Variants in PPP2R5E observed in about 807,000 individuals in gnomAD.
PPP2R5E encodes the protein serine/threonine-protein phosphatase 2A 56 kDa regulatory subunit epsilon isoform.
PPP2R5E carries 4 observed loss-of-function variants against 65.3 expected under a neutral mutation model. The ratio of observed to expected loss-of-function variants is 0.06; its 90% CI spans 0.03 to 0.14. The LOEUF (loss-of-function observed/expected upper bound fraction) is 0.14. Ranked by LOEUF, PPP2R5E falls within the 10% of genes least tolerant of loss-of-function variation. The pLI is 1.00. For missense variants in PPP2R5E, 274 were observed against 556.1 expected, an observed-to-expected ratio of 0.49 and a Z score of 5.10; for synonymous variants, 183 against 187.4, an observed-to-expected ratio of 0.98 and a Z score of 0.19.
chr14:63,439,431 A>G (rs1888099697), intron 3 of PPP2R5E, among the ~76,000 whole-genome samples: 1 of 151,904 alleles, frequency 6.6e-6, no homozygotes, highest in Admixed American at 6.6e-5. Flanking sequence ...CTAGAGTGCA[A>G]TGGCACGATC....
At chr14:63,480,542 C>T (rs1890646021) in intron 2 of PPP2R5E, among the ~76,000 whole-genome samples, 1 of 152,142 alleles carries the variant, frequency 6.6e-6, no homozygotes. Context: ...AACTCCTGGG[C>T]TCAAGGAAAC....
At chr14:63,383,800 T>C (rs7151740) in intron 12 of PPP2R5E, among the ~76,000 whole-genome samples, 5,889 of 152,260 alleles carry the variant, frequency 0.039, 241 homozygotes, top group East Asian at 0.12. Flanking sequence ...TTGATGATTT[T>C]AAACTCCTTC....
At chr14:63,519,345 G>A (rs879006498) in intron 2 of PPP2R5E, among the ~76,000 whole-genome samples, 2 of 152,122 alleles carry the variant, frequency 1.3e-5, no homozygotes, top group Non-Finnish European at 2.9e-5. Context: ...TTGGGATCAA[G>A]GACAAACTCT....
chr14:63,490,255 C>T (rs1057088629), intron 2 of PPP2R5E, among the ~76,000 whole-genome samples: 36 of 152,124 alleles, frequency 2.4e-4, no homozygotes, highest in African/African-American at 7.9e-4. Flanking sequence ...GACCCCTACA[C>T]CTTTCACCAT....
intron 2 of PPP2R5E, among the ~76,000 whole-genome samples, chr14:63,535,173 C>A (rs1325235488): frequency 1.3e-5 from 2 of 151,988 alleles, no homozygotes; most frequent in African/African-American, 4.8e-5. Flanking sequence ...GCCTGTAATC[C>A]CAGCACTTTG....
intron 2 of PPP2R5E, among the ~76,000 whole-genome samples, chr14:63,465,450 C>CAAAAAAAAAAAAA (rs1171345415): frequency 4.9e-4 from 23 of 47,378 alleles, no homozygotes; most frequent in African/African-American, 1.6e-3. Flanking sequence ...TCCACCTCTA[C>CAAAAAAAAAAAAA]AAAAAAAAAA....
chr14:63,409,407 A>AAAAT (rs754130051), intron 5 of PPP2R5E, among the ~76,000 whole-genome samples: 1 of 152,198 alleles, frequency 6.6e-6, no homozygotes, highest in African/African-American at 2.4e-5. Flanking sequence ...ACTCTGTCTC[A>AAAAT]AAATAAATAA....
At chr14:63,507,954 A>G (rs1335273267) in intron 2 of PPP2R5E, among the ~76,000 whole-genome samples, 2 of 152,180 alleles carry the variant, frequency 1.3e-5, no homozygotes, top group Non-Finnish European at 2.9e-5. Context: ...GGGATTTATC[A>G]TAAACCCACA....
rs1416255534 is a variant in PPP2R5E, at chr14:63,372,917, A to C, written c.*3092T>G. On this transcript the variant is annotated 3_prime_UTR_variant, in exon 14 of 14. Coordinates refer to ENST00000337537, the MANE Select transcript of PPP2R5E (RefSeq NM_006246.5). The stretch of plus-strand genomic sequence containing the variant: ...TCCAGTGGCATCGAGGGTATTATTT[A>C]TTTCTTTTTTTTTCTTTTCTTTTAT... 4 of 152,112 alleles carry C rather than the reference A, an allele frequency of 2.6e-5. No individual in the cohort carries two copies. The highest frequency in any genetic ancestry group is 1.3e-4 in the Admixed American group (2 of 15,252). 9.4% of individuals were successfully genotyped at this position (152,112 alleles called of 1,614,324 possible).
rs368918492 is a variant in PPP2R5E at position 63,476,395 on chromosome 14, C to A, written c.158-22510G>T. ...TTTGCAATTGAAAAACCCAAATTCA[C>A]CAAAGATAAATGCTTTGCTCAAAAG... On this transcript the variant is annotated intron_variant, in intron 2 of 13. Coordinates refer to ENST00000337537, the MANE Select transcript of PPP2R5E (RefSeq NM_006246.5). Among the ~76,000 whole-genome samples the A allele has an allele frequency of 9.3e-4, 142 of 152,208 alleles. 1 individual carries two copies. The highest frequency in any genetic ancestry group is 2.9e-3 in the African/African-American group (119 of 41,522).
chr14:63,407,758 T>C (rs1037977524), intron 5 of PPP2R5E, among the ~76,000 whole-genome samples: 2 of 152,154 alleles, frequency 1.3e-5, no homozygotes, highest in African/African-American at 2.4e-5. Context: ...GTAAGGCCTT[T>C]TGGTGTTGAG....
chr14:63,447,064 C>T (rs985823589), intron 3 of PPP2R5E, among the ~76,000 whole-genome samples: 6 of 152,130 alleles, frequency 3.9e-5, no homozygotes, highest in African/African-American at 1.4e-4. Flanking sequence ...AGAGCATAGG[C>T]AGGGTAGATT....
chr14:63,504,649 T>C lies in PPP2R5E; in HGVS notation c.157+34880A>G, dbSNP rs373886118. On this transcript the variant is annotated intron_variant, in intron 2 of 13. Coordinates refer to ENST00000337537, the MANE Select transcript of PPP2R5E (RefSeq NM_006246.5). ...ACTATTTACTCATCGTATTAGATGTTTGGGGGAATGAGATACAAAAAACAA... is the reference window on the plus strand; with the variant it reads ...ACTATTTACTCATCGTATTAGATGTCTGGGGGAATGAGATACAAAAAACAA... Among the ~76,000 whole-genome samples, 26 of 152,258 alleles carry C rather than the reference T, an allele frequency of 1.7e-4. 1 individual carries two copies. Among genetic ancestry groups the C allele is most frequent in the African/African-American group, 5.5e-4 (23 of 41,562 alleles).
chr14:63,410,412 G>A (rs560162865), intron 5 of PPP2R5E, among the ~76,000 whole-genome samples: 8 of 152,264 alleles, frequency 5.3e-5, no homozygotes, highest in East Asian at 1.9e-4. Context: ...CCTGACTACC[G>A]AGTGCAGAGG....
intron 5 of PPP2R5E, among the ~76,000 whole-genome samples, chr14:63,400,645 T>C (rs1885696620): frequency 8.3e-6 from 1 of 120,072 alleles, no homozygotes. Flanking sequence ...AGTTAATACA[T>C]TTCCACAGGA....
intron 2 of PPP2R5E, among the ~76,000 whole-genome samples, chr14:63,486,074 C>A (rs1293927990): frequency 1.3e-5 from 2 of 151,986 alleles, no homozygotes; most frequent in Non-Finnish European, 2.9e-5. Context: ...AGGTGATCTG[C>A]CCACCTCGGC....
chr14:63,376,159 T>C lies in PPP2R5E; in HGVS notation c.1305-51A>G, dbSNP rs1366902144. The C allele has an allele frequency of 2.4e-6, 3 of 1,266,712 alleles. No homozygotes were observed. The Admixed American group carries it at 5.3e-5, about 22-fold the overall frequency. The allele number at this position is 1,266,712 out of a possible 1,614,324, so 78.5% of individuals were successfully genotyped here. On this transcript the variant is annotated intron_variant, in intron 13 of 13. Transcript: ENST00000337537. ...AAACAGCTGAGGTTTAATGAGATTA[T>C]GCAACAATGAATATTTTACAATTTC...
At position 63,373,701 on chromosome 14, in the gene PPP2R5E, A is replaced by T. The variant is rs1277822056; in HGVS notation, c.*2308T>A. 1 of 152,232 alleles carries T rather than the reference A, an allele frequency of 6.6e-6. No homozygotes were observed. The highest frequency in any genetic ancestry group is 1.5e-5 in the Non-Finnish European group (1 of 68,046). The allele number at this position is 152,232 out of a possible 1,614,324, so 9.4% of individuals were successfully genotyped here. A position where few individuals can be genotyped will look rare whatever the true frequency, so the allele number is the denominator to read the frequency against. On this transcript the variant is annotated 3_prime_UTR_variant, in exon 14 of 14. Coordinates refer to ENST00000337537, the MANE Select transcript of PPP2R5E (RefSeq NM_006246.5). ...TTGAAGACAGGGTAAGGTACAAAAAAGGATCCTGGCCTTTCTCATTTCAAA... is the reference window on the plus strand; with the variant it reads ...TTGAAGACAGGGTAAGGTACAAAAATGGATCCTGGCCTTTCTCATTTCAAA...
At chr14:63,482,594 G>T (rs1156619586) in intron 2 of PPP2R5E, among the ~76,000 whole-genome samples, 1 of 152,186 alleles carries the variant, frequency 6.6e-6, no homozygotes, top group African/African-American at 2.4e-5. Context: ...GTTTACGCAA[G>T]AAAGGGGAGT....
Sources: gnomAD v4.1 joint callset for allele counts (sites outside exome capture counted in the v4.1 genomes callset) on GRCh38, gnomAD v4.1.1 for gene constraint, MANE v1.5 for transcripts, NCBI Gene and HGNC (gene_info 2026-07-23, HGNC 2026-07-21) for gene names.